PHF14: variants seen among roughly 807,000 people sequenced by gnomAD.
The protein encoded by PHF14 is PHD finger protein 14.
PHF14 carries 55 observed loss-of-function variants against 117.9 expected under a neutral mutation model. That is an observed-to-expected ratio of 0.47 (90% confidence interval 0.38 to 0.58). The LOEUF (loss-of-function observed/expected upper bound fraction) is 0.58. PHF14 is among the 20% of genes least tolerant of loss of function. The pLI is 0.00. For missense variants in PHF14, 978 were observed against 1,122.2 expected (o/e 0.87, Z 1.84); for synonymous variants, 409 against 368.6 (o/e 1.11, Z -1.26).
rs1285710177 is a variant in PHF14, at chr7:11,040,674, G to T, written c.2079G>T (p.Lys693Asn). 2.0e-6 allele frequency: 3 copies of T among 1,526,744 alleles called. No homozygotes were observed. Among genetic ancestry groups the T allele is most frequent in the African/African-American group, 2.8e-5 (2 of 72,096 alleles). 94.6% of individuals were successfully genotyped at this position (1,526,744 alleles called of 1,614,324 possible). Residue 693 changes from lysine to asparagine, a missense_variant and splice_region_variant, in exon 12 of 18, where the codon AAG (lysine) becomes AAT (asparagine). By Grantham distance (94) the Lys-to-Asn change is moderately conservative. Transcript: ENST00000634607. The part of the protein sequence containing the change: ...WALLGRITGQ[K>N]LNIPAILRAP... ...ACTACATTTGTTCAAATCAATAGAA[G>T]TTGAATATACCGGCAATTTTGCGAG...
At position 11,031,340 on chromosome 7, in the gene PHF14, T is replaced by G. The variant is rs540963785; in HGVS notation, c.1455+2522T>G. ...AATCCATGTGACATTTCTATTCTTT[T>G]TCATCTACTTTGTGAATATTCCAGA... On this transcript the variant is annotated intron_variant, in intron 7 of 17. Coordinates refer to ENST00000634607, the MANE Select transcript of PHF14 (RefSeq NM_001007157.2). 1.1e-4 allele frequency among the ~76,000 whole-genome samples: 17 copies of G among 152,256 alleles called. No homozygotes were observed. The South Asian group carries it at 2.7e-3, about 24-fold the overall frequency.
intron 16 of PHF14, among the ~76,000 whole-genome samples, chr7:11,078,068 A>G (rs1220221091): frequency 6.6e-6 from 1 of 152,168 alleles, no homozygotes; most frequent in Non-Finnish European, 1.5e-5. Flanking sequence ...ACACTGTGGT[A>G]TTTGAATAGA....
intron 16 of PHF14, among the ~76,000 whole-genome samples, chr7:11,094,718 C>T (rs1033228959): frequency 2.6e-5 from 4 of 152,118 alleles, no homozygotes; most frequent in Admixed American, 6.6e-5. Context: ...AACATTTCAC[C>T]TTTAGCAAAC....
intron 13 of PHF14, among the ~76,000 whole-genome samples, chr7:11,049,457 T>G (rs145689587): frequency 6.9e-6 from 1 of 144,400 alleles, no homozygotes. Flanking sequence ...CCTGGGCGAC[T>G]TAGCAAGACT....
intron 17 of PHF14, among the ~76,000 whole-genome samples, chr7:11,154,102 A>G (rs180946781): frequency 1.1e-3 from 169 of 152,234 alleles, no homozygotes; most frequent in Non-Finnish European, 1.4e-3. Context: ...AAAGAAACTA[A>G]TGGATTTAAC....
At chr7:11,047,682 G>T (rs1161056082) in intron 13 of PHF14, among the ~76,000 whole-genome samples, 1 of 150,934 alleles carries the variant, frequency 6.6e-6, no homozygotes, top group Non-Finnish European at 1.5e-5. Context: ...TGCTACTCAG[G>T]AGGCTGAGGT....
rs1056882262 is a variant in PHF14 at position 10,983,309 on chromosome 7, A to G, written c.900+150A>G. Reference sequence around the variant, plus strand: ...AGCACCCTAACTGTAACATTTTTTCATTTGGCCAACAGACTTTTATTAAAT... The same window carrying G: ...AGCACCCTAACTGTAACATTTTTTCGTTTGGCCAACAGACTTTTATTAAAT... On this transcript the variant is annotated intron_variant, in intron 3 of 17. Coordinates refer to ENST00000634607, the MANE Select transcript of PHF14 (RefSeq NM_001007157.2). The G allele has an allele frequency of 1.8e-5, 14 of 759,988 alleles. No homozygotes were observed. In the African/African-American group the frequency reaches 1.9e-4, roughly 11 times the overall value. The allele number at this position is 759,988 out of a possible 1,614,324, so 47.1% of individuals were successfully genotyped here.
chr7:11,102,768 T>C lies in PHF14; in HGVS notation c.2655-8582T>C, dbSNP rs941805369. 7 of 1,361,574 alleles carry C rather than the reference T, an allele frequency of 5.1e-6. No individual in the cohort carries two copies. The African/African-American group carries it at 6.2e-5, about 12-fold the overall frequency. The allele number at this position is 1,361,574 out of a possible 1,614,324, so 84.3% of individuals were successfully genotyped here. On this transcript the variant is annotated intron_variant, in intron 16 of 17. Coordinates refer to ENST00000634607, the MANE Select transcript of PHF14 (RefSeq NM_001007157.2). ...TTTTTCCTATTTTTCTTCTTTTTGCTTTTTTTGCACTTATCAGAAATATTT... is the reference window on the plus strand; with the variant it reads ...TTTTTCCTATTTTTCTTCTTTTTGCCTTTTTTGCACTTATCAGAAATATTT...
Position 10,998,071 on chromosome 7 carries a change from T to C in PHF14, c.1045+7224T>C, listed in dbSNP as rs1421056754. Reference sequence around the variant, plus strand: ...CAGTGGAAAGGGAGAATTGGTGATATAAGGAAAATAGTGAGGAAAGAAGGG... The same window carrying C: ...CAGTGGAAAGGGAGAATTGGTGATACAAGGAAAATAGTGAGGAAAGAAGGG... On this transcript the variant is annotated intron_variant, in intron 4 of 17. Transcript: ENST00000634607. Among the ~76,000 whole-genome samples the C allele has an allele frequency of 4.6e-5, 7 of 151,922 alleles. No homozygotes were observed. In the South Asian group the frequency reaches 8.3e-4, roughly 18 times the overall value.
chr7:11,115,095 C>G (rs1787558732), intron 17 of PHF14, among the ~76,000 whole-genome samples: 1 of 152,014 alleles, frequency 6.6e-6, no homozygotes, highest in South Asian at 2.1e-4. Context: ...CAAGCCTTCC[C>G]CATCCTTATC....
chr7:11,021,917 A>T (rs1783750148), intron 5 of PHF14, among the ~76,000 whole-genome samples: 1 of 152,198 alleles, frequency 6.6e-6, no homozygotes, highest in South Asian at 2.1e-4. Flanking sequence ...TAGCATGCAT[A>T]GCCTCTGAAG....
intron 16 of PHF14, chr7:11,103,810 A>G (rs1306821166): frequency 1.0e-6 from 1 of 984,252 alleles, no homozygotes; most frequent in Non-Finnish European, 1.2e-6. Context: ...GATGTTTGAT[A>G]AAAGTAAAAT....
At chr7:11,132,925 G>T (rs535598406) in intron 17 of PHF14, among the ~76,000 whole-genome samples, 3 of 151,740 alleles carry the variant, frequency 2.0e-5, no homozygotes, top group Non-Finnish European at 4.4e-5. Context: ...GTCTATTCAA[G>T]TCTGAAATTT....
chr7:11,109,106 A>G (rs1031997793), intron 16 of PHF14: 3 of 151,744 alleles, frequency 2.0e-5, no homozygotes, highest in African/African-American at 7.2e-5. Context: ...AGCAATTATC[A>G]TTTTCATGTA....
At chr7:10,976,239 T>G (rs1256459905) in intron 2 of PHF14, among the ~76,000 whole-genome samples, 1 of 152,210 alleles carries the variant, frequency 6.6e-6, no homozygotes, top group Non-Finnish European at 1.5e-5. Context: ...AAGTTTATCT[T>G]GATTAACTGT....
At chr7:11,163,411 TAAATG>T (rs1311811846) in intron 17 of PHF14, among the ~76,000 whole-genome samples, 1 of 152,232 alleles carries the variant, frequency 6.6e-6, no homozygotes, top group Non-Finnish European at 1.5e-5. Context: ...CCTTTTGTAT[TAAATG>T]AAATAAGAAT....
intron 17 of PHF14, among the ~76,000 whole-genome samples, chr7:11,163,016 A>G (rs560262054): frequency 3.3e-5 from 5 of 152,334 alleles, no homozygotes; most frequent in African/African-American, 9.6e-5. Context: ...GAAATTTGTT[A>G]CTGCCCTTTT....
At chr7:11,058,323 T>G (rs186969808) in intron 14 of PHF14, among the ~76,000 whole-genome samples, 9 of 152,306 alleles carry the variant, frequency 5.9e-5, no homozygotes, top group Non-Finnish European at 1.3e-4. Flanking sequence ...TACACTACTT[T>G]CAAGATAACT....
chr7:10,992,874 T>C (rs1035219145), intron 4 of PHF14, among the ~76,000 whole-genome samples: 32 of 152,184 alleles, frequency 2.1e-4, no homozygotes, highest in African/African-American at 5.8e-4. Context: ...TCACCTTTAA[T>C]GTAGAACAGT....
Sources: gnomAD v4.1 joint callset for allele counts (sites outside exome capture counted in the v4.1 genomes callset) on GRCh38, gnomAD v4.1.1 for gene constraint, MANE v1.5 for transcripts, NCBI Gene and HGNC (gene_info 2026-07-23, HGNC 2026-07-21) for gene names.